The following BLZF1 variants were observed in gnomAD, a reference collection of about 807,000 sequenced individuals.
BLZF1 encodes basic leucine zipper nuclear factor 1.
In BLZF1, 39 loss-of-function variants were observed where a neutral mutation model predicts 43.8. That is an observed-to-expected ratio of 0.89 (90% CI 0.69 to 1.16). The LOEUF is 1.16. Among genes scored for constraint, BLZF1 ranks in the 50% most tolerant of loss-of-function variants. The pLI is 0.00. For synonymous variants in BLZF1, 136 were observed against 159.4 expected, an observed-to-expected ratio of 0.85 and a Z score of 1.11; for missense variants, 449 against 469.8, an observed-to-expected ratio of 0.96 and a Z score of 0.41.
In BLZF1 at chr1:169,382,097, G is replaced by A; in HGVS notation, c.833G>A (p.Gly278Glu). 1.2e-6 allele frequency: 2 copies of A among 1,613,732 alleles called. No homozygotes were observed. The highest frequency in any genetic ancestry group is 1.7e-6 in the Non-Finnish European group (2 of 1,179,710). ...LEELLVSLQW[G>E]REQTYSPSVQ... ...GAGCTCTTAGTTTCCTTGCAATGGGGAAGAGAGCAAACTTACTCCCCTAGT... is the reference window on the plus strand; with the variant it reads ...GAGCTCTTAGTTTCCTTGCAATGGGAAAGAGAGCAAACTTACTCCCCTAGT... The change falls in exon 6 of 7, where the codon GGA becomes GAA. Residue 278 changes from glycine to glutamate, a missense_variant. Physicochemically the swap from Gly to Glu is moderately conservative, Grantham distance 98. Transcript: ENST00000367808.
At chr1:169,370,186 C>G (rs1167334888) in intron 2 of BLZF1, among the ~76,000 whole-genome samples, 1 of 152,140 alleles carries the variant, frequency 6.6e-6, no homozygotes, top group Non-Finnish European at 1.5e-5. Context: ...CTAAATTTAC[C>G]CTTTTTATAA....
downstream of BLZF1, among the ~76,000 whole-genome samples, chr1:169,390,905 GCA>G (rs998120395): frequency 2.0e-5 from 3 of 152,184 alleles, no homozygotes; most frequent in Admixed American, 6.5e-5. Context: ...ATGCACACAT[GCA>G]CACATACATT....
chr1:169,392,235 A>G (rs938708154), downstream of BLZF1, among the ~76,000 whole-genome samples: 1 of 152,214 alleles, frequency 6.6e-6, no homozygotes, highest in African/African-American at 2.4e-5. Context: ...GAAAAATGGA[A>G]AAGCTTACCA....
In BLZF1 at chr1:169,387,444, C is replaced by A; in HGVS notation, c.*262C>A. On this transcript the variant is annotated 3_prime_UTR_variant, in exon 7 of 7. Transcript: ENST00000367808. ...AATACATGATACTTTTCCTAAAAGA[C>A]TCTAAAAGAAAAAGATTCTGTAACT... The A allele has an allele frequency of 3.6e-6, 1 of 274,070 alleles. No individual in the cohort carries two copies. The highest frequency in any genetic ancestry group is 7.3e-5 in the East Asian group (1 of 13,708). The allele number at this position is 274,070 out of a possible 1,614,324, so 17.0% of individuals were successfully genotyped here.
chr1:169,395,306 T>A lies in BLZF1; in HGVS notation c.*28-588T>A. On this transcript the variant is annotated intron_variant, in intron 7 of 7. Transcript: ENST00000329281. Reference sequence around the variant, plus strand: ...TAGACAAAATAAATGGACATTTCTTTACAATGAAATACTGTCACAGCACAA... The same window carrying A: ...TAGACAAAATAAATGGACATTTCTTAACAATGAAATACTGTCACAGCACAA... 5.9e-6 allele frequency: 6 copies of A among 1,023,618 alleles called. No individual in the cohort carries two copies. The South Asian group carries it at 1.7e-4, about 29-fold the overall frequency. The allele number at this position is 1,023,618 out of a possible 1,614,324, so 63.4% of individuals were successfully genotyped here.
downstream of BLZF1, among the ~76,000 whole-genome samples, chr1:169,389,941 G>A (rs948466979): frequency 2.6e-5 from 4 of 152,308 alleles, no homozygotes; most frequent in African/African-American, 4.8e-5. Context: ...AGGGACTGGA[G>A]AGAGTGTAGA....
intron 2 of BLZF1, among the ~76,000 whole-genome samples, chr1:169,373,594 C>T (rs919994077): frequency 6.6e-6 from 1 of 152,042 alleles, no homozygotes; most frequent in Non-Finnish European, 1.5e-5. Context: ...GGAGCTCTCA[C>T]GTAATATATA....
chr1:169,393,395 C>T (rs1654864972), intron 7 of BLZF1, among the ~76,000 whole-genome samples: 1 of 151,648 alleles, frequency 6.6e-6, no homozygotes, highest in Admixed American at 6.6e-5. Flanking sequence ...TGAGACCAGC[C>T]TGACCAACAT....
intron 6 of BLZF1, among the ~76,000 whole-genome samples, chr1:169,383,960 T>G (rs191182805): frequency 1.5e-3 from 232 of 152,312 alleles, no homozygotes; most frequent in African/African-American, 5.0e-3. Context: ...GCTTTATGCT[T>G]GTGACTTTTC....
At position 169,372,160 on chromosome 1, in the gene BLZF1, T is replaced by G. The variant is rs185846444; in HGVS notation, c.28+2610T>G. Among the ~76,000 whole-genome samples, 376 of 152,308 alleles carry G rather than the reference T, an allele frequency of 2.5e-3. 1 individual carries two copies. Among genetic ancestry groups the G allele is most frequent in the South Asian group, 3.7e-3 (18 of 4,834 alleles). On this transcript the variant is annotated intron_variant, in intron 2 of 6. Coordinates refer to ENST00000367808, the MANE Select transcript of BLZF1 (RefSeq NM_001320973.2). ...CTTAAGTCCATTGTATGTAACTTAT[T>G]TTACTAATTTAATAATAACTAAACT...
intron 7 of BLZF1, chr1:169,395,756 A>G (rs1378320106): frequency 6.6e-6 from 1 of 152,196 alleles, no homozygotes; most frequent in Admixed American, 6.5e-5. Flanking sequence ...CAAGTCTTAA[A>G]CCTTGTTTAA....
chr1:169,371,367 A>C (rs1229976732), intron 2 of BLZF1, among the ~76,000 whole-genome samples: 1 of 152,230 alleles, frequency 6.6e-6, no homozygotes, highest in Non-Finnish European at 1.5e-5. Context: ...TTTAATATTT[A>C]TTATTACTTG....
Position 169,380,618 on chromosome 1 carries a change from C to T in BLZF1, c.797+9C>T. On this transcript the variant is annotated intron_variant, in intron 5 of 6. Transcript: ENST00000367808. ...ATGATAGCTACCCAGAAGTATGGCA[C>T]TTGTTTACATTCTGAACTCTTCTGC... 1 of 1,611,826 alleles carries T rather than the reference C, an allele frequency of 6.2e-7. No homozygotes were observed. Among genetic ancestry groups the T allele is most frequent in the Non-Finnish European group, 8.5e-7 (1 of 1,178,486 alleles).
chr1:169,387,696 G>T lies in BLZF1; in HGVS notation c.*514G>T, dbSNP rs1654714894. ...TTCTGACCTCAATTCTAAAGTAATT[G>T]TAGTAGGGAGCTGGAGGACTTTCTT... On this transcript the variant is annotated 3_prime_UTR_variant, in exon 7 of 7. Transcript: ENST00000367808. 1 of 152,440 alleles carries T rather than the reference G, an allele frequency of 6.6e-6. No homozygotes were observed. Among genetic ancestry groups the T allele is most frequent in the East Asian group, 1.9e-4 (1 of 5,192 alleles). 9.4% of individuals were successfully genotyped at this position (152,440 alleles called of 1,614,324 possible).
intron 3 of BLZF1, among the ~76,000 whole-genome samples, chr1:169,377,600 T>A (rs1046674681): frequency 8.5e-5 from 13 of 152,048 alleles, no homozygotes; most frequent in Non-Finnish European, 1.6e-4. Flanking sequence ...CAAAATGTAG[T>A]ACAAATTTAT....
Position 169,387,181 on chromosome 1 carries a change from A to G in BLZF1, c.1202A>G (p.Ter401=). The G allele has an allele frequency of 6.2e-7, 1 of 1,611,914 alleles. No individual in the cohort carries two copies. The highest frequency in any genetic ancestry group is 8.5e-7 in the Non-Finnish European group (1 of 1,179,342). ...TGCCGGGGAGAACTGATTGCCCTTTAACAGTCAATATGTTGGAGGCATGCT... is the reference window on the plus strand; with the variant it reads ...TGCCGGGGAGAACTGATTGCCCTTTGACAGTCAATATGTTGGAGGCATGCT... ...NHCRGELIAL[*] is the part of the protein sequence containing the mutation. Residue 401 remains the stop codon, a stop_retained_variant, in exon 7 of 7, where the codon TAA becomes TGA. Transcript: ENST00000367808.
intron 2 of BLZF1, among the ~76,000 whole-genome samples, chr1:169,375,327 C>T (rs538928091): frequency 1.4e-5 from 2 of 139,122 alleles, no homozygotes; most frequent in East Asian, 4.0e-4. Flanking sequence ...ACATTACACA[C>T]ACACATATAT....
chr1:169,375,108 G>C (rs1371377206), intron 2 of BLZF1, among the ~76,000 whole-genome samples: 23 of 151,506 alleles, frequency 1.5e-4, no homozygotes, highest in Non-Finnish European at 1.5e-5. Context: ...AAATATGTAG[G>C]CATAAAAGTG....
chr1:169,384,448 C>T (rs142869871), intron 6 of BLZF1, among the ~76,000 whole-genome samples: 1 of 152,276 alleles, frequency 6.6e-6, no homozygotes, highest in Non-Finnish European at 1.5e-5. Flanking sequence ...AAGGCCAAAT[C>T]AGTCATCAAA....
Sources: gnomAD v4.1 joint callset for allele counts (sites outside exome capture counted in the v4.1 genomes callset) on GRCh38, gnomAD v4.1.1 for gene constraint, MANE v1.5 for transcripts, NCBI Gene and HGNC (gene_info 2026-07-23, HGNC 2026-07-21) for gene names.